The following HDAC9 variants were observed in gnomAD, a reference collection of about 807,000 sequenced individuals.
The protein encoded by HDAC9 is histone deacetylase 9.
Under a neutral mutation model 139.4 loss-of-function variants are expected in HDAC9, and 41 were observed. That is an observed-to-expected ratio of 0.29 (90% CI 0.23 to 0.38). HDAC9 has a LOEUF of 0.38. HDAC9 is among the 10% of genes least tolerant of loss of function. The pLI is 1.00. For missense variants in HDAC9, 1,147 were observed against 1,297.0 expected, an observed-to-expected ratio of 0.88 and a Z score of 1.78; for synonymous variants, 517 against 476.2, an observed-to-expected ratio of 1.09 and a Z score of -1.12.
At chr7:18,479,219 T>C (rs1454719921) in intron 1 of HDAC9, among the ~76,000 whole-genome samples, 2 of 152,216 alleles carry the variant, frequency 1.3e-5, no homozygotes, top group Non-Finnish European at 2.9e-5. Context: ...TTGACATTTT[T>C]TCTTGTAAAA....
At chr7:18,831,325 T>A (rs1405436427) in intron 19 of HDAC9, among the ~76,000 whole-genome samples, 1 of 152,216 alleles carries the variant, frequency 6.6e-6, no homozygotes. Flanking sequence ...ACTTTGTATT[T>A]CAGAGGATGT....
At chr7:18,355,598 G>A (rs1048774626) in intron 1 of HDAC9, among the ~76,000 whole-genome samples, 2 of 152,162 alleles carry the variant, frequency 1.3e-5, no homozygotes, top group Non-Finnish European at 2.9e-5. Context: ...TATACCCAGA[G>A]TGAATTTTCA....
intron 13 of HDAC9, among the ~76,000 whole-genome samples, chr7:18,744,095 A>C (rs947558204): frequency 8.9e-5 from 13 of 145,292 alleles, no homozygotes; most frequent in African/African-American, 3.3e-4. Context: ...GGTTCAAGCG[A>C]TCCTCCTGCC....
chr7:18,626,502 T>G lies in HDAC9; in HGVS notation c.665-2848T>G, dbSNP rs78813526. 6.0e-3 allele frequency among the ~76,000 whole-genome samples: 912 copies of G among 152,292 alleles called. 13 individuals are homozygous for G. The highest frequency in any genetic ancestry group is 0.021 in the African/African-American group (886 of 41,560). ...TTTAACATGAGAAATCGAGGTTTAA[T>G]GATATAAAGTAATTCATCCAGGCAT... On this transcript the variant is annotated intron_variant, in intron 6 of 25. Transcript: ENST00000686413.
intron 1 of HDAC9, among the ~76,000 whole-genome samples, chr7:18,351,076 T>G (rs542640729): frequency 9.4e-4 from 143 of 152,318 alleles, no homozygotes; most frequent in Non-Finnish European, 1.8e-3. Flanking sequence ...CTTTTTTTCC[T>G]TCATGAATTT....
At chr7:18,769,962 C>CAAT (rs1790149176) in intron 16 of HDAC9, among the ~76,000 whole-genome samples, 1 of 152,078 alleles carries the variant, frequency 6.6e-6, no homozygotes, top group Admixed American at 6.6e-5. Flanking sequence ...TTAAAGTAAA[C>CAAT]GCCAGTTCCT....
intron 6 of HDAC9, among the ~76,000 whole-genome samples, chr7:18,605,282 C>T (rs1583996807): frequency 6.6e-6 from 1 of 152,274 alleles, no homozygotes; most frequent in Middle Eastern, 3.4e-3. Flanking sequence ...TATAACCTTA[C>T]AACTAAATTT....
At position 18,349,050 on chromosome 7, in the gene HDAC9, A is replaced by G. The variant is rs17139083; in HGVS notation, c.-42+58535A>G. Among the ~76,000 whole-genome samples, 577 of 152,240 alleles carry G rather than the reference A, an allele frequency of 3.8e-3. 21 individuals carry two copies. The East Asian group carries it at 0.083, about 22-fold the overall frequency. ...ACTATAAGCTATTCCCATAACTTTAATACAGTCATTTTCCCAATATGAGAA... is the reference window on the plus strand; with the variant it reads ...ACTATAAGCTATTCCCATAACTTTAGTACAGTCATTTTCCCAATATGAGAA... On this transcript the variant is annotated intron_variant, in intron 1 of 3. Coordinates refer to the HDAC9 transcript ENST00000413509.
intron 6 of HDAC9, among the ~76,000 whole-genome samples, chr7:18,609,747 A>G (rs1281282110): frequency 2.0e-5 from 3 of 151,954 alleles, no homozygotes; most frequent in African/African-American, 7.3e-5. Context: ...TGTCATTTAC[A>G]TTAAGTATTT....
At chr7:18,634,815 C>T in intron 8 of HDAC9, 73 bp downstream of exon 8, 2 of 847,484 alleles carry the variant, frequency 2.4e-6, no homozygotes, top group Non-Finnish European at 3.9e-6. Context: ...AGTGATATTT[C>T]TGAGTTGACC....
chr7:18,698,665 G>T (rs1783233700), intron 12 of HDAC9, among the ~76,000 whole-genome samples: 1 of 152,140 alleles, frequency 6.6e-6, no homozygotes, highest in South Asian at 2.1e-4. Context: ...CATCTGTAAA[G>T]AATTATTCCA....
chr7:18,548,961 C>A (rs1348417500), intron 2 of HDAC9, among the ~76,000 whole-genome samples: 5 of 152,148 alleles, frequency 3.3e-5, no homozygotes, highest in African/African-American at 1.2e-4. Context: ...AAAAATAGGC[C>A]AGGTGTGGTG....
chr7:18,257,369 ACTCTCTCTCTCT>A (rs146860772), intron 2 of HDAC9, among the ~76,000 whole-genome samples: 2 of 110,226 alleles, frequency 1.8e-5, no homozygotes, highest in African/African-American at 7.1e-5. Flanking sequence ...TGTCTCTCTG[ACTCTCTCTCTCT>A]CTCTCTCTCT....
chr7:18,467,458 A>G lies in HDAC9; in HGVS notation c.-41-28804A>G, dbSNP rs529112034. On this transcript the variant is annotated intron_variant, in intron 1 of 3. Transcript: ENST00000413509. ...TTTCCTGCTTTCTTGCCTAAGTTAT[A>G]CTTATCTTTTAGACCTCTGATAAAT... Among the ~76,000 whole-genome samples the G allele has an allele frequency of 1.1e-4, 16 of 152,190 alleles. 1 individual carries two copies. The South Asian group carries it at 2.9e-3, about 28-fold the overall frequency.
intron 2 of HDAC9, among the ~76,000 whole-genome samples, chr7:18,215,922 A>G (rs1792275765): frequency 6.6e-6 from 1 of 152,168 alleles, no homozygotes; most frequent in Admixed American, 6.6e-5. Context: ...GAAGTCATTC[A>G]TCTGGTATAT....
chr7:18,701,235 A>G (rs1302553153), intron 12 of HDAC9, among the ~76,000 whole-genome samples: 1 of 152,072 alleles, frequency 6.6e-6, no homozygotes, highest in Non-Finnish European at 1.5e-5. Context: ...ACTCTCCGAG[A>G]TAAGTGAATC....
intron 1 of HDAC9, among the ~76,000 whole-genome samples, chr7:18,119,839 C>T (rs966564584): frequency 6.6e-6 from 1 of 152,144 alleles, no homozygotes; most frequent in Non-Finnish European, 1.5e-5. Flanking sequence ...GATTTTACAT[C>T]CTTTCAACTT....
chr7:18,895,532 T>G (rs986578251), intron 22 of HDAC9, among the ~76,000 whole-genome samples: 2 of 152,114 alleles, frequency 1.3e-5, no homozygotes, highest in Non-Finnish European at 2.9e-5. Context: ...ATTACAAAAG[T>G]GAGTCACTAA....
At chr7:18,593,645 C>T (rs1244363948) in intron 5 of HDAC9, among the ~76,000 whole-genome samples, 3 of 152,096 alleles carry the variant, frequency 2.0e-5, no homozygotes, top group Admixed American at 6.6e-5. Context: ...AAAGCTCAGA[C>T]TCTTGGTAAA....
Sources: allele counts gnomAD v4.1 joint callset (sites outside exome capture counted in the v4.1 genomes callset), GRCh38; gene constraint gnomAD v4.1.1; transcripts MANE v1.5; gene names NCBI Gene and HGNC (gene_info 2026-07-23, HGNC 2026-07-21).